Variants in SPAG17 observed in about 807,000 individuals in gnomAD.
SPAG17 encodes the protein sperm associated antigen 17.
In SPAG17, 169 loss-of-function variants were observed where a neutral mutation model predicts 273.6. That is an observed-to-expected ratio of 0.62 (90% CI 0.55 to 0.70). SPAG17 has a LOEUF of 0.70. SPAG17 is among the 30% of genes least tolerant of loss of function. SPAG17 has a pLI of 0.00. For synonymous variants in SPAG17, 825 were observed against 873.2 expected (o/e 0.94, Z 0.97); for missense variants, 2,557 against 2,627.8 (o/e 0.97, Z 0.59).
At chr1:117,974,825 G>A (rs1369944710) in intron 43 of SPAG17, among the ~76,000 whole-genome samples, 4 of 152,130 alleles carry the variant, frequency 2.6e-5, no homozygotes, top group African/African-American at 9.7e-5. Flanking sequence ...GAAAAGGAAG[G>A]GGACTAATAT....
chr1:117,955,358 GGTGA>G lies in SPAG17; in HGVS notation c.*1-1313_*1-1310del, dbSNP rs1433241370. On this transcript the variant is annotated intron_variant, in intron 48 of 48. Transcript: ENST00000336338. ...GAGATTTTTAAAGGGATCAAGTCGA[GGTGA>G]GTGAGTCCTTGCGCACAATTTTTGT... 3.7e-6 allele frequency: 6 copies of G among 1,611,940 alleles called. No homozygotes were observed. The Admixed American group carries it at 1.0e-4, about 27-fold the overall frequency.
intron 1 of SPAG17, among the ~76,000 whole-genome samples, chr1:118,155,140 T>G (rs912872525): frequency 6.6e-6 from 1 of 152,162 alleles, no homozygotes; most frequent in African/African-American, 2.4e-5. Context: ...TGAAGTCATG[T>G]ATGGACACAA....
At chr1:118,030,784 T>C (rs571301508) in intron 25 of SPAG17, among the ~76,000 whole-genome samples, 2 of 152,336 alleles carry the variant, frequency 1.3e-5, no homozygotes, top group African/African-American at 2.4e-5. Flanking sequence ...TTCTTTTCTA[T>C]GGCTGCATAG....
At chr1:118,024,518 G>A (rs185409172) in intron 27 of SPAG17, among the ~76,000 whole-genome samples, 1 of 151,716 alleles carries the variant, frequency 6.6e-6, no homozygotes, top group Admixed American at 6.6e-5. Flanking sequence ...TTATGGGATT[G>A]CTTTCTTTCC....
Position 118,160,046 on chromosome 1 carries a change from T to C in SPAG17, c.88-8677A>G, listed in dbSNP as rs576073726. 9.3e-4 allele frequency among the ~76,000 whole-genome samples: 142 copies of C among 152,292 alleles called. 1 individual carries two copies. Among genetic ancestry groups the C allele is most frequent in the African/African-American group, 3.2e-3 (133 of 41,568 alleles). On this transcript the variant is annotated intron_variant, in intron 1 of 48. Transcript: ENST00000336338. ...TTTGGGTTTTGAAACAAATATTACATATCAGAGACATTCTTCTAACAGAGG... is the reference window on the plus strand; with the variant it reads ...TTTGGGTTTTGAAACAAATATTACACATCAGAGACATTCTTCTAACAGAGG...
At chr1:118,024,942 T>C (rs1647561519) in intron 27 of SPAG17, among the ~76,000 whole-genome samples, 1 of 152,318 alleles carries the variant, frequency 6.6e-6, no homozygotes, top group East Asian at 1.9e-4. Context: ...AGTACCATTA[T>C]GAATTCACTA....
At chr1:118,012,047 A>G (rs764188481) in intron 30 of SPAG17, among the ~76,000 whole-genome samples, 181 bp downstream of exon 30, 1 of 152,140 alleles carries the variant, frequency 6.6e-6, no homozygotes, top group Non-Finnish European at 1.5e-5. Context: ...TAATGATGAT[A>G]ATAATAATAC....
At chr1:118,127,339 G>T (rs1592277) in intron 3 of SPAG17, among the ~76,000 whole-genome samples, 60,521 of 151,922 alleles carry the variant, frequency 0.4, 13,281 homozygotes, top group Non-Finnish European at 0.5. Context: ...TGGCATCTGC[G>T]CAGCTTCTAG....
intron 30 of SPAG17, 58 bp downstream of exon 30, chr1:118,012,170 T>C (rs1405718640): frequency 6.5e-7 from 1 of 1,541,624 alleles, no homozygotes; most frequent in Non-Finnish European, 8.9e-7. Flanking sequence ...GAGGATTCTA[T>C]CTAACTTACG....
intron 48 of SPAG17, chr1:117,960,144 G>GTGTGTGTA (rs1469358281): frequency 8.0e-6 from 1 of 125,156 alleles, no homozygotes; most frequent in East Asian, 2.5e-4. Context: ...GTGTGTGTGT[G>GTGTGTGTA]TGTATGTGTA....
At chr1:117,972,079 T>C (rs1654624427) in intron 44 of SPAG17, 32 bp from the exon 45 acceptor site, 1 of 1,566,244 alleles carries the variant, frequency 6.4e-7, no homozygotes, top group African/African-American at 1.4e-5. Context: ...ATAAAATGGT[T>C]CTATTTTGAG....
intron 10 of SPAG17, among the ~76,000 whole-genome samples, chr1:118,088,842 A>G (rs1655175964): frequency 6.6e-6 from 1 of 152,226 alleles, no homozygotes; most frequent in Non-Finnish European, 1.5e-5. Flanking sequence ...AAAAACCCTG[A>G]AACTCCAACA....
At chr1:118,159,236 A>G (rs141424041) in intron 1 of SPAG17, among the ~76,000 whole-genome samples, 235 of 152,314 alleles carry the variant, frequency 1.5e-3, no homozygotes, top group Admixed American at 2.8e-3. Flanking sequence ...TAGTCTAGAA[A>G]CAGCTTTACT....
At chr1:118,033,563 C>T (rs1648726274) in intron 24 of SPAG17, among the ~76,000 whole-genome samples, 1 of 152,206 alleles carries the variant, frequency 6.6e-6, no homozygotes, top group Non-Finnish European at 1.5e-5. Flanking sequence ...AATACCACCA[C>T]TTCAGTGTAC....
At chr1:118,041,760 G>C (rs988018145) in intron 21 of SPAG17, 43 bp downstream of exon 21, 2 of 1,577,152 alleles carry the variant, frequency 1.3e-6, no homozygotes, top group Non-Finnish European at 1.7e-6. Flanking sequence ...AAAACAATTA[G>C]GAATAGCCCA....
chr1:118,118,944 G>A (rs1426924541), intron 3 of SPAG17, among the ~76,000 whole-genome samples: 4 of 152,078 alleles, frequency 2.6e-5, no homozygotes, highest in Non-Finnish European at 5.9e-5. Flanking sequence ...TACCAAATGA[G>A]CCAAATTATT....
Position 117,994,477 on chromosome 1 carries a change from C to T in SPAG17, c.5107G>A (p.Val1703Ile), listed in dbSNP as rs763260145. The change falls in exon 35 of 49, where the codon GTA (valine) becomes ATA (isoleucine). Residue 1703 changes from valine (V) to isoleucine (I), a missense_variant. Physicochemically the swap from Val to Ile is conservative, Grantham distance 29 (BLOSUM62 3). Transcript: ENST00000336338. Reference sequence around the variant, plus strand: ...GGGACAATTGTATCTTCCTTTTTTACTTGCCATGGTGATGCTTCATGGAAA... The same window carrying T: ...GGGACAATTGTATCTTCCTTTTTTATTTGCCATGGTGATGCTTCATGGAAA... ...RPFHEASPWQ[V>I]KKEDTIVPPN... The T allele has an allele frequency of 6.2e-7, 1 of 1,612,916 alleles. No individual in the cohort carries two copies. The highest frequency in any genetic ancestry group is 8.5e-7 in the Non-Finnish European group (1 of 1,179,266).
chr1:118,002,545 T>C (rs188920026), intron 32 of SPAG17, among the ~76,000 whole-genome samples: 68 of 152,336 alleles, frequency 4.5e-4, no homozygotes, highest in Non-Finnish European at 9.0e-4. Context: ...AGTTAGTTCT[T>C]CTTGTTGAAT....
chr1:118,167,402 C>T (rs1484525092), intron 1 of SPAG17, among the ~76,000 whole-genome samples: 1 of 151,944 alleles, frequency 6.6e-6, no homozygotes, highest in Admixed American at 6.6e-5. Context: ...GAACATGCCT[C>T]CAGTTGTGAC....
Sources: gnomAD v4.1 joint callset for allele counts (sites outside exome capture counted in the v4.1 genomes callset) on GRCh38, gnomAD v4.1.1 for gene constraint, MANE v1.5 for transcripts, NCBI Gene and HGNC (gene_info 2026-07-23, HGNC 2026-07-21) for gene names.